The following DGKA variants were observed in gnomAD, a reference collection of about 807,000 sequenced individuals.
The protein encoded by DGKA is diacylglycerol kinase alpha.
In DGKA, 35 loss-of-function variants were observed where a neutral mutation model predicts 105.0. That is an observed-to-expected ratio of 0.33 (90% CI 0.25 to 0.44). DGKA has a LOEUF of 0.44. Among genes scored for constraint, DGKA ranks in the 20% least tolerant of loss-of-function variants. DGKA has a pLI of 1.00. For synonymous variants in DGKA, 296 were observed against 332.0 expected, an observed-to-expected ratio of 0.89 and a Z score of 1.18; for missense variants, 665 against 915.0, an observed-to-expected ratio of 0.73 and a Z score of 3.53.
chr12:55,930,942 T>C (rs1377336101), upstream of DGKA: 1 of 152,194 alleles, frequency 6.6e-6, no homozygotes, highest in Non-Finnish European at 1.5e-5. Flanking sequence ...ACCAAAAGTA[T>C]GTATATATTA....
Position 55,940,395 on chromosome 12 carries a change from A to T in DGKA, c.880A>T (p.Ser294Cys), listed in dbSNP as rs1262629278. Residue 294 changes from serine to cysteine, a missense_variant, in exon 11 of 24, where the codon AGT becomes TGT. Physicochemically the swap from Ser to Cys is moderately radical, Grantham distance 112. Around this residue, in one of 3 missense-constraint regions of DGKA, gnomAD observed 504 missense variants for 681.2 expected, o/e 0.74. Coordinates refer to ENST00000331886, the MANE Select transcript of DGKA (RefSeq NM_001345.5). The surrounding 1 kb of genome is among the most constrained non-coding windows in gnomAD (Gnocchi z 4.3). ...TCAGAAAAAGATCCGGATCTACCAC[A>T]GTCTGACCGGGCTGCATTGTGTATG... Reference protein sequence around the residue: ...RCQKKIRIYHSLTGLHCVWCH... With the variant: ...RCQKKIRIYHCLTGLHCVWCH... 2.5e-6 allele frequency: 4 copies of T among 1,614,224 alleles called. No individual in the cohort carries two copies. The highest frequency in any genetic ancestry group is 3.4e-6 in the Non-Finnish European group (4 of 1,180,026).
chr12:55,927,439 C>A (rs1255736761), upstream of DGKA: 3 of 706,520 alleles, frequency 4.2e-6, no homozygotes, highest in Admixed American at 6.3e-5. Flanking sequence ...GAAAAGGGCG[C>A]AAGGCCCACC....
In DGKA at chr12:55,940,790, G is replaced by C; in HGVS notation, c.1017+68G>C. Reference sequence around the variant, plus strand: ...CCCGATTTCCCACACGCACAGAGTGGCATTTAGAATAGAGAGCTCATACTT... The same window carrying C: ...CCCGATTTCCCACACGCACAGAGTGCCATTTAGAATAGAGAGCTCATACTT... On this transcript the variant is annotated intron_variant, in intron 12 of 23. Transcript: ENST00000331886. The surrounding 1 kb of genome is among the most constrained non-coding windows in gnomAD (Gnocchi z 4.3). 6.2e-7 allele frequency: 1 copy of C among 1,601,152 alleles called. No homozygotes were observed. Among genetic ancestry groups the C allele is most frequent in the South Asian group, 1.1e-5 (1 of 90,794 alleles).
rs867782187 is a variant in DGKA at position 55,941,316 on chromosome 12, A to G, written c.1166A>G (p.Gln389Arg). 6.2e-7 allele frequency: 1 copy of G among 1,613,494 alleles called. No homozygotes were observed. Among genetic ancestry groups the G allele is most frequent in the Non-Finnish European group, 8.5e-7 (1 of 1,179,538 alleles). The change falls in exon 14 of 24, where the codon CAG becomes CGG. Residue 389 changes from glutamine (Q) to arginine (R), a missense_variant. Physicochemically the swap from Gln to Arg is conservative, Grantham distance 43 (BLOSUM62 1). This residue lies in a region of DGKA where 504 missense variants were observed against 681.2 expected (regional missense o/e 0.74). Transcript: ENST00000331886. Reference protein sequence around the residue: ...VFVNPKSGGKQGQRVLWKFQY... With the variant: ...VFVNPKSGGKRGQRVLWKFQY... ...GTCAATCCTAAGAGTGGCGGGAAGCAGGGGCAAAGGTGAGGAGAAATATAT... is the reference window on the plus strand; with the variant it reads ...GTCAATCCTAAGAGTGGCGGGAAGCGGGGGCAAAGGTGAGGAGAAATATAT...
At chr12:55,930,835 T>G (rs1883526172), upstream of DGKA, 1 of 151,808 alleles carries the variant, frequency 6.6e-6, no homozygotes, top group Non-Finnish European at 1.5e-5. Context: ...TGTGGAGGAG[T>G]CTGTTCCAAC....
intron 1 of DGKA, chr12:55,935,281 G>A (rs922998259): frequency 1.3e-5 from 2 of 152,146 alleles, no homozygotes; most frequent in Admixed American, 6.5e-5. Context: ...GTGAAAAATG[G>A]TTCTCATTCT....
chr12:55,939,729 A>AAG, intron 9 of DGKA, 200 bp downstream of exon 9: 1 of 614,732 alleles, frequency 1.6e-6, no homozygotes, highest in Non-Finnish European at 2.9e-6. Context: ...AGCATTAAAA[A>AAG]AGTTGGTGCA....
Position 55,942,436 on chromosome 12 carries a change from A to G in DGKA, c.1426+173A>G, listed in dbSNP as rs1162243995. The G allele has an allele frequency of 4.8e-6, 3 of 622,350 alleles. No individual in the cohort carries two copies. In the East Asian group the frequency reaches 8.5e-5, roughly 18 times the overall value. 38.6% of individuals were successfully genotyped at this position (622,350 alleles called of 1,614,324 possible). On this transcript the variant is annotated intron_variant, in intron 17 of 23. Transcript: ENST00000331886. ...AAAAGAAGAGAGCTTTGGAAGAAGC[A>G]GGGACCACAATCTGAACCTAGAAGG...
intron 17 of DGKA, among the ~76,000 whole-genome samples, chr12:55,943,802 C>A (rs1442312654): frequency 6.6e-6 from 1 of 152,042 alleles, no homozygotes; most frequent in Non-Finnish European, 1.5e-5. Context: ...ATTCTTTGAC[C>A]AGTTTTCAGA....
intron 5 of DGKA, 73 bp downstream of exon 5, chr12:55,938,125 T>G: frequency 4.3e-6 from 6 of 1,379,638 alleles, no homozygotes; most frequent in Non-Finnish European, 5.1e-6. Flanking sequence ...CTCCTTTCCC[T>G]TATTCCTTCA....
rs1404536217 is a variant in DGKA at position 55,941,848 on chromosome 12, T to G, written c.1251-150T>G. 3.4e-6 allele frequency: 3 copies of G among 887,550 alleles called. No individual in the cohort carries two copies. The East Asian group carries it at 7.6e-5, about 22-fold the overall frequency. The allele number at this position is 887,550 out of a possible 1,614,324, so 55.0% of individuals were successfully genotyped here. On this transcript the variant is annotated intron_variant, in intron 15 of 23. Transcript: ENST00000331886. ...GTGGCTATAACTTTCCCCATTGTTC[T>G]TTTCTGTGACCTTCATAGAAACTCA... is the stretch of plus-strand genomic sequence containing the variant.
intron 17 of DGKA, 79 bp from the exon 18 acceptor site, chr12:55,951,544 G>T: frequency 4.0e-6 from 6 of 1,489,856 alleles, no homozygotes; most frequent in Non-Finnish European, 5.5e-6. Context: ...AGGCCCCTGG[G>T]AATTTGTGGA....
rs150959342 is a variant in DGKA at position 55,942,170 on chromosome 12, G to T, written c.1337-4G>T. 1.9e-6 allele frequency: 3 copies of T among 1,614,166 alleles called. No homozygotes were observed. The Admixed American group carries it at 5.0e-5, about 27-fold the overall frequency. On this transcript the variant is annotated splice_polypyrimidine_tract_variant and splice_region_variant and intron_variant, in intron 16 of 23. Coordinates refer to ENST00000331886, the MANE Select transcript of DGKA (RefSeq NM_001345.5). ...TCCATCCTTCTCTTCACCTGCCTCC[G>T]CAGACAAAGCTAACTTGCCAGTTTT...
At chr12:55,928,219 T>G (rs985798811), upstream of DGKA, 1 of 167,548 alleles carries the variant, frequency 6.0e-6, no homozygotes, top group Non-Finnish European at 1.3e-5. Context: ...AACTCTGCCC[T>G]CCTCCACCCT....
At chr12:55,939,328 G>A (rs1840625608) in intron 8 of DGKA, 23 bp downstream of exon 8, 1 of 1,612,870 alleles carries the variant, frequency 6.2e-7, no homozygotes, top group Admixed American at 1.7e-5. Context: ...GACTTTGGGG[G>A]ATGAGTAAGA....
intron 15 of DGKA, 37 bp from the exon 16 acceptor site, chr12:55,941,961 T>C: frequency 6.2e-7 from 1 of 1,609,766 alleles, no homozygotes. Context: ...CTCAGTCCTG[T>C]TATCCTTCTT....
Position 55,932,483 on chromosome 12 carries a change from C to T in DGKA, c.-82+1139C>T, listed in dbSNP as rs767291774. On this transcript the variant is annotated intron_variant, in intron 1 of 23. Transcript: ENST00000331886. The surrounding 1 kb of genome is among the most constrained non-coding windows in gnomAD (Gnocchi z 4.3). ...TTTGGCCTCCAGGTCCCCAACTTCC[C>T]ACCCCATCCTCTCCCCACCTGTCAC... The T allele has an allele frequency of 1.7e-5, 12 of 700,300 alleles. No individual in the cohort carries two copies. Among genetic ancestry groups the T allele is most frequent in the African/African-American group, 3.5e-5 (2 of 57,198 alleles). 43.4% of individuals were successfully genotyped at this position (700,300 alleles called of 1,614,324 possible).
chr12:55,953,955 C>T lies in DGKA; in HGVS notation c.*187C>T. Reference sequence around the variant, plus strand: ...CATGCGCACACACATACACACACCCCAAAACACATACATTGAAAGTGCCTC... The same window carrying T: ...CATGCGCACACACATACACACACCCTAAAACACATACATTGAAAGTGCCTC... On this transcript the variant is annotated 3_prime_UTR_variant, in exon 24 of 24. Coordinates refer to ENST00000331886, the MANE Select transcript of DGKA (RefSeq NM_001345.5). The T allele has an allele frequency of 1.6e-6, 1 of 638,236 alleles. No homozygotes were observed. The highest frequency in any genetic ancestry group is 2.0e-5 in the South Asian group (1 of 49,016). 39.5% of individuals were successfully genotyped at this position (638,236 alleles called of 1,614,324 possible). A position where few individuals can be genotyped will look rare whatever the true frequency, so the allele number is the denominator to read the frequency against.
chr12:55,939,561 A>G (rs779664327), intron 9 of DGKA, 32 bp downstream of exon 9: 22 of 1,604,900 alleles, frequency 1.4e-5, no homozygotes, highest in Non-Finnish European at 1.7e-5. Flanking sequence ...GTAGGGGAAG[A>G]GGGTCAGCCC....
Sources: gnomAD v4.1 joint callset for allele counts (sites outside exome capture counted in the v4.1 genomes callset) on GRCh38, gnomAD v4.1.1 for gene constraint, gnomAD v4.1.1 regional missense constraint, Gnocchi (gnomAD v3.1) non-coding constraint, MANE v1.5 for transcripts, NCBI Gene and HGNC (gene_info 2026-07-23, HGNC 2026-07-21) for gene names.